COL24A1: variants seen among roughly 807,000 people sequenced by gnomAD.
COL24A1 encodes collagen alpha-1(XXIV) chain.
In COL24A1, 224 loss-of-function variants were observed where a neutral mutation model predicts 253.9. The observed-to-expected ratio is 0.88, with a 90% CI of 0.79 to 0.99. COL24A1 has a LOEUF of 0.99. COL24A1 is among the 50% of genes least tolerant of loss of function. COL24A1 has a pLI of 0.00. For missense variants in COL24A1, 2,131 were observed against 2,068.5 expected, an observed-to-expected ratio of 1.03 and a Z score of -0.59; for synonymous variants, 685 against 673.7, an observed-to-expected ratio of 1.02 and a Z score of -0.26.
intron 7 of COL24A1, among the ~76,000 whole-genome samples, chr1:86,066,243 T>C (rs1032193778): frequency 1.4e-5 from 2 of 142,350 alleles, no homozygotes; most frequent in African/African-American, 5.3e-5. Flanking sequence ...TTTTTTTTTT[T>C]TTTTTTTTTT....
intron 8 of COL24A1, among the ~76,000 whole-genome samples, chr1:86,063,239 C>T (rs74936093): frequency 0.011 from 1,731 of 151,938 alleles, 37 homozygotes; most frequent in African/African-American, 0.039. Flanking sequence ...CTAATTTGGA[C>T]TGTTATTGAA....
At chr1:86,110,586 G>A (rs969916523) in intron 5 of COL24A1, among the ~76,000 whole-genome samples, 3 of 152,016 alleles carry the variant, frequency 2.0e-5, no homozygotes, top group Admixed American at 2.0e-4. Flanking sequence ...AACTGGGGCT[G>A]CGTGCGGCGC....
chr1:86,045,741 G>C, intron 12 of COL24A1: 1 of 337,954 alleles, frequency 3.0e-6, no homozygotes, highest in Admixed American at 3.3e-5. Flanking sequence ...TAAATGCAGG[G>C]AAACAAAATG....
chr1:86,015,143 G>T (rs1324853175), intron 19 of COL24A1, among the ~76,000 whole-genome samples: 1 of 152,172 alleles, frequency 6.6e-6, no homozygotes, highest in Non-Finnish European at 1.5e-5. Context: ...TAAAAGTGTT[G>T]TCTCACATAT....
At chr1:85,945,238 C>T (rs907264091) in intron 24 of COL24A1, among the ~76,000 whole-genome samples, 1 of 151,004 alleles carries the variant, frequency 6.6e-6, no homozygotes, top group South Asian at 2.1e-4. Context: ...AGGATGGTCT[C>T]CATCTCCTGA....
chr1:85,798,317 T>A lies in COL24A1; in HGVS notation c.3952-11856A>T, dbSNP rs915927498. 4.6e-5 allele frequency among the ~76,000 whole-genome samples: 7 copies of A among 152,090 alleles called. No homozygotes were observed. In the South Asian group the frequency reaches 6.2e-4, roughly 14 times the overall value. On this transcript the variant is annotated intron_variant, in intron 47 of 59. Transcript: ENST00000370571. Reference sequence around the variant, plus strand: ...GTTGCCAATACGCTGCCAAATACACTGAACTTTGTTGCTCTGGAAGAGTTC... The same window carrying A: ...GTTGCCAATACGCTGCCAAATACACAGAACTTTGTTGCTCTGGAAGAGTTC...
intron 53 of COL24A1, among the ~76,000 whole-genome samples, chr1:85,772,374 T>C (rs1668074954): frequency 6.6e-6 from 1 of 151,750 alleles, no homozygotes; most frequent in Non-Finnish European, 1.5e-5. Context: ...GTAAACTAGT[T>C]CAACCATTGT....
At chr1:85,831,362 C>T (rs78026216) in intron 43 of COL24A1, among the ~76,000 whole-genome samples, 1,684 of 152,114 alleles carry the variant, frequency 0.011, 34 homozygotes, top group African/African-American at 0.039. Context: ...ATGGCTTTTC[C>T]ACCATCCCTG....
rs144015492 is a variant in COL24A1, at chr1:86,063,696, T to C, written c.1752+19A>G. 3,446 of 1,517,708 alleles carry C rather than the reference T, an allele frequency of 2.3e-3. 70 individuals carry two copies. The East Asian group carries it at 0.033, about 15-fold the overall frequency. The allele number at this position is 1,517,708 out of a possible 1,614,324, so 94.0% of individuals were successfully genotyped here. ...GTCTTTTTCACACATGATACAAGTCTTATAAAGGAAGTACCTACTTGTTCA... is the reference window on the plus strand; with the variant it reads ...GTCTTTTTCACACATGATACAAGTCCTATAAAGGAAGTACCTACTTGTTCA... On this transcript the variant is annotated intron_variant, in intron 8 of 59. Coordinates refer to ENST00000370571, the MANE Select transcript of COL24A1 (RefSeq NM_152890.7).
rs1663329877 is a variant in COL24A1, at chr1:85,730,093, G to A, written c.*453C>T. On this transcript the variant is annotated 3_prime_UTR_variant, in exon 60 of 60. Coordinates refer to ENST00000370571, the MANE Select transcript of COL24A1 (RefSeq NM_152890.7). ...ACCGGCTAAGATGTATATGCCCATC[G>A]GGGACCTGAATACAGCTTAGTGTTT... The A allele has an allele frequency of 1.3e-5, 2 of 152,970 alleles. No individual in the cohort carries two copies. The highest frequency in any genetic ancestry group is 2.4e-5 in the African/African-American group (1 of 41,432). The allele number at this position is 152,970 out of a possible 1,614,324, so 9.5% of individuals were successfully genotyped here.
At chr1:85,991,843 A>T (rs1008368185) in intron 19 of COL24A1, among the ~76,000 whole-genome samples, 12 of 151,864 alleles carry the variant, frequency 7.9e-5, no homozygotes, top group Non-Finnish European at 1.5e-4. Context: ...GCTAACAAAT[A>T]TATAAGCACA....
intron 24 of COL24A1, among the ~76,000 whole-genome samples, chr1:85,942,187 T>C (rs1688816537): frequency 1.3e-5 from 2 of 152,204 alleles, no homozygotes; most frequent in South Asian, 4.1e-4. Context: ...TAGACTATGG[T>C]TTTTTGAAAT....
intron 34 of COL24A1, among the ~76,000 whole-genome samples, chr1:85,875,056 A>C (rs1680980569): frequency 6.6e-6 from 1 of 152,188 alleles, no homozygotes. Context: ...CTCTGCTTCC[A>C]TCTGTGGAAA....
chr1:85,854,860 C>T (rs991587592), intron 37 of COL24A1, among the ~76,000 whole-genome samples: 18 of 152,008 alleles, frequency 1.2e-4, no homozygotes, highest in African/African-American at 2.9e-4. Context: ...TGCACCACCA[C>T]GCTCAGCTAA....
At chr1:86,099,071 T>A (rs1704234081) in intron 5 of COL24A1, among the ~76,000 whole-genome samples, 1 of 152,214 alleles carries the variant, frequency 6.6e-6, no homozygotes, top group Non-Finnish European at 1.5e-5. Context: ...ATAAAATGCC[T>A]TGGTAAATTT....
chr1:85,756,453 G>A (rs1666272000), intron 55 of COL24A1, among the ~76,000 whole-genome samples: 1 of 152,088 alleles, frequency 6.6e-6, no homozygotes, highest in Non-Finnish European at 1.5e-5. Flanking sequence ...ATAAACACAT[G>A]AAAATATGCT....
intron 24 of COL24A1, chr1:85,960,670 G>A (rs1690943108): frequency 6.6e-6 from 1 of 152,442 alleles, no homozygotes; most frequent in South Asian, 2.1e-4. Context: ...ATTACTTCAG[G>A]CCAGGAGTTC....
chr1:85,926,009 C>A (rs900557264), intron 24 of COL24A1, among the ~76,000 whole-genome samples: 3 of 152,120 alleles, frequency 2.0e-5, no homozygotes, highest in Non-Finnish European at 2.9e-5. Flanking sequence ...AACAAGTGGG[C>A]AAAGGATATG....
intron 20 of COL24A1, among the ~76,000 whole-genome samples, chr1:85,978,742 G>A (rs1219462366): frequency 1.3e-5 from 2 of 152,126 alleles, no homozygotes; most frequent in Non-Finnish European, 2.9e-5. Context: ...CGATAATAGT[G>A]GGGGATGTTG....
Sources: allele counts gnomAD v4.1 joint callset (sites outside exome capture counted in the v4.1 genomes callset), GRCh38; gene constraint gnomAD v4.1.1; transcripts MANE v1.5; gene names NCBI Gene and HGNC (gene_info 2026-07-23, HGNC 2026-07-21).